DSCAM: variants seen among roughly 807,000 people sequenced by gnomAD.
DSCAM encodes the protein cell adhesion molecule DSCAM.
In DSCAM, 47 loss-of-function variants were observed where a neutral mutation model predicts 217.7. That is an observed-to-expected ratio of 0.22 (90% CI 0.17 to 0.28). The LOEUF is 0.28. Ranked by LOEUF, DSCAM falls within the 10% of genes least tolerant of loss-of-function variation. The pLI is 1.00. For synonymous variants in DSCAM, 1,056 were observed against 1,015.3 expected, an observed-to-expected ratio of 1.04 and a Z score of -0.76; for missense variants, 2,080 against 2,618.3, an observed-to-expected ratio of 0.79 and a Z score of 4.49.
In DSCAM at chr21:40,780,411, G is replaced by GTTTATATA. The variant is rs749398798; in HGVS notation, c.43+66207_43+66208insTATATAAA. ...TCCAAATATAAACGTGTGTGTGTGT[G>GTTTATATA]TGTGTGTGTGTGTATATATATATAT... On this transcript the variant is annotated intron_variant, in intron 1 of 32. Coordinates refer to ENST00000400454, the MANE Select transcript of DSCAM (RefSeq NM_001389.5). Among the ~76,000 whole-genome samples, 10 of 88,516 alleles carry GTTTATATA rather than the reference G, an allele frequency of 1.1e-4. 1 individual carries two copies. The highest frequency in any genetic ancestry group is 2.0e-4 in the Non-Finnish European group (8 of 40,306). The allele number at this position is 88,516 out of a possible 152,430, so 58.1% of individuals were successfully genotyped here.
chr21:40,178,527 T>C (rs935235056), intron 15 of DSCAM, among the ~76,000 whole-genome samples: 1 of 152,216 alleles, frequency 6.6e-6, no homozygotes, highest in Non-Finnish European at 1.5e-5. Flanking sequence ...TGCAGATTCC[T>C]AGTTAAGCAT....
chr21:40,094,405 G>A (rs1231498548), intron 20 of DSCAM, among the ~76,000 whole-genome samples: 1 of 152,184 alleles, frequency 6.6e-6, no homozygotes, highest in African/African-American at 2.4e-5. Flanking sequence ...TAAGGAGGCA[G>A]AGCTGAGAGC....
chr21:40,170,457 C>G (rs1354560301), intron 15 of DSCAM, among the ~76,000 whole-genome samples: 1 of 152,214 alleles, frequency 6.6e-6, no homozygotes. Flanking sequence ...TGGAGTGCTA[C>G]AGCCTCTCAG....
intron 1 of DSCAM, among the ~76,000 whole-genome samples, chr21:40,764,233 TAAAC>T (rs1175243948): frequency 2.7e-5 from 4 of 147,678 alleles, no homozygotes; most frequent in Non-Finnish European, 6.0e-5. Flanking sequence ...ACAGGGAACT[TAAAC>T]AAATTTACAA....
At chr21:40,093,955 A>G in intron 20 of DSCAM, 81 bp from the exon 21 acceptor site, 1 of 1,415,192 alleles carries the variant, frequency 7.1e-7, no homozygotes. Context: ...GGTCATGAAC[A>G]TATTAAATAT....
At chr21:40,619,492 A>G (rs1459581467) in intron 3 of DSCAM, among the ~76,000 whole-genome samples, 2 of 152,170 alleles carry the variant, frequency 1.3e-5, no homozygotes, top group Non-Finnish European at 2.9e-5. Context: ...TTTTGTTCAC[A>G]AGCATGAAAT....
intron 6 of DSCAM, among the ~76,000 whole-genome samples, chr21:40,340,664 C>T (rs2074481602): frequency 1.3e-5 from 2 of 152,046 alleles, no homozygotes; most frequent in African/African-American, 4.8e-5. Flanking sequence ...AAAGGGTTGT[C>T]CCATAATGAA....
chr21:40,701,571 T>G (rs1371350759), intron 2 of DSCAM, among the ~76,000 whole-genome samples: 1 of 152,112 alleles, frequency 6.6e-6, no homozygotes, highest in African/African-American at 2.4e-5. Flanking sequence ...CAATAAAATC[T>G]CCCTATTTTT....
chr21:40,726,162 A>C (rs2090953914), intron 1 of DSCAM, among the ~76,000 whole-genome samples: 1 of 152,220 alleles, frequency 6.6e-6, no homozygotes, highest in Non-Finnish European at 1.5e-5. Flanking sequence ...ATGCATCTGA[A>C]TGTATTAAGA....
intron 20 of DSCAM, among the ~76,000 whole-genome samples, chr21:40,113,668 G>A (rs1228503934): frequency 4.6e-5 from 7 of 152,102 alleles, no homozygotes; most frequent in African/African-American, 7.2e-5. Context: ...AAACCCCATC[G>A]TCTCAGCCCA....
chr21:40,271,390 C>A (rs922975852), intron 11 of DSCAM, among the ~76,000 whole-genome samples: 1 of 152,150 alleles, frequency 6.6e-6, no homozygotes, highest in Admixed American at 6.5e-5. Flanking sequence ...AAAAGCAGAG[C>A]GGCTTGTTCA....
chr21:40,450,137 G>C (rs2075706817), intron 3 of DSCAM, among the ~76,000 whole-genome samples: 1 of 152,012 alleles, frequency 6.6e-6, no homozygotes, highest in African/African-American at 2.4e-5. Flanking sequence ...AAGTTACTCT[G>C]GTACTCATTT....
intron 3 of DSCAM, among the ~76,000 whole-genome samples, chr21:40,447,692 A>T (rs1053629947): frequency 3.3e-5 from 5 of 152,210 alleles, no homozygotes; most frequent in African/African-American, 1.2e-4. Flanking sequence ...AATACAATAC[A>T]TTTGTACTTT....
At chr21:40,326,754 A>G (rs2074321639) in intron 8 of DSCAM, among the ~76,000 whole-genome samples, 1 of 152,104 alleles carries the variant, frequency 6.6e-6, no homozygotes, top group Admixed American at 6.5e-5. Flanking sequence ...GAGTCTAGAA[A>G]AATGTGGGGT....
At chr21:40,553,138 T>A (rs1031529287) in intron 3 of DSCAM, among the ~76,000 whole-genome samples, 1 of 152,206 alleles carries the variant, frequency 6.6e-6, no homozygotes, top group Non-Finnish European at 1.5e-5. Flanking sequence ...TTAGGGACAG[T>A]TTCTATTGGT....
intron 3 of DSCAM, among the ~76,000 whole-genome samples, chr21:40,635,739 G>C (rs1007007016): frequency 1.3e-5 from 2 of 152,174 alleles, no homozygotes; most frequent in African/African-American, 4.8e-5. Context: ...GTTTCTCTCT[G>C]TATTTCAATT....
intron 3 of DSCAM, among the ~76,000 whole-genome samples, chr21:40,477,399 G>A (rs950197970): frequency 2.0e-5 from 3 of 152,004 alleles, no homozygotes; most frequent in African/African-American, 7.2e-5. Context: ...AAAAGAAAAC[G>A]GTATTTTTTC....
chr21:40,078,504 T>G (rs994998500), intron 26 of DSCAM, among the ~76,000 whole-genome samples, 183 bp downstream of exon 26: 6 of 152,148 alleles, frequency 3.9e-5, no homozygotes, highest in Non-Finnish European at 8.8e-5. Context: ...CACACAGTGA[T>G]GGTCATCTGG....
intron 3 of DSCAM, among the ~76,000 whole-genome samples, chr21:40,488,842 C>T (rs576373981): frequency 6.6e-6 from 1 of 152,226 alleles, no homozygotes; most frequent in East Asian, 1.9e-4. Flanking sequence ...AGTTATTTCC[C>T]CACCAAAAGC....
Sources: gnomAD v4.1 joint callset for allele counts (sites outside exome capture counted in the v4.1 genomes callset) on GRCh38, gnomAD v4.1.1 for gene constraint, MANE v1.5 for transcripts, NCBI Gene and HGNC (gene_info 2026-07-23, HGNC 2026-07-21) for gene names.